KLHDC1: variants seen among roughly 807,000 people sequenced by gnomAD.
KLHDC1 encodes the protein kelch domain containing 1, also known as kelch domain-containing protein 1.
A neutral mutation model predicts 68.3 loss-of-function variants in KLHDC1; 53 were observed. The observed-to-expected ratio is 0.78, with a 90% CI of 0.62 to 0.98. The LOEUF is 0.98. Ranked by LOEUF, KLHDC1 falls within the 50% of genes least tolerant of loss-of-function variation. The pLI is 0.00. For missense variants in KLHDC1, 470 were observed against 492.3 expected (o/e 0.95, Z 0.43); for synonymous variants, 148 against 159.0 (o/e 0.93, Z 0.52).
intron 4 of KLHDC1, 22 bp downstream of exon 4, chr14:49,710,403 A>AG: frequency 8.5e-7 from 1 of 1,174,996 alleles, no homozygotes. Context: ...GTTGCACTTA[A>AG]TGCATTATGT....
At chr14:49,695,707 C>T (rs184440217) in intron 1 of KLHDC1, among the ~76,000 whole-genome samples, 1 of 152,206 alleles carries the variant, frequency 6.6e-6, no homozygotes, top group South Asian at 2.1e-4. Context: ...ATTGACTTCT[C>T]TCTAGCTATG....
chr14:49,704,342 A>G (rs909589506), intron 1 of KLHDC1, among the ~76,000 whole-genome samples: 1 of 128,134 alleles, frequency 7.8e-6, no homozygotes, highest in Non-Finnish European at 1.7e-5. Flanking sequence ...TGAGTTGAAT[A>G]TGTCTTCAAT....
intron 1 of KLHDC1, among the ~76,000 whole-genome samples, chr14:49,707,297 T>TGTGTGAGAGA (rs926974146): frequency 8.3e-6 from 1 of 120,828 alleles, no homozygotes; most frequent in African/African-American, 3.1e-5. Flanking sequence ...TGTGTGTGTG[T>TGTGTGAGAGA]GAGAGAGAGA....
At chr14:49,694,270 A>G (rs367735429) in intron 1 of KLHDC1, among the ~76,000 whole-genome samples, 1 of 152,142 alleles carries the variant, frequency 6.6e-6, no homozygotes, top group South Asian at 2.1e-4. Flanking sequence ...CAGGAATACT[A>G]TATGCCAACC....
intron 12 of KLHDC1, among the ~76,000 whole-genome samples, chr14:49,747,302 A>G (rs1889224948): frequency 6.6e-6 from 1 of 152,120 alleles, no homozygotes; most frequent in African/African-American, 2.4e-5. Flanking sequence ...CTTGCCAGCA[A>G]TTTTAATCCC....
intron 4 of KLHDC1, among the ~76,000 whole-genome samples, chr14:49,719,096 T>C (rs1209060479): frequency 1.3e-5 from 2 of 152,054 alleles, no homozygotes; most frequent in African/African-American, 4.8e-5. Flanking sequence ...TTTTCTTGAT[T>C]GTTTTTCTAT....
At chr14:49,747,235 C>T (rs1594686094) in intron 12 of KLHDC1, among the ~76,000 whole-genome samples, 2 of 152,198 alleles carry the variant, frequency 1.3e-5, no homozygotes, top group South Asian at 2.1e-4. Context: ...GCGTGAGCCA[C>T]CACACCCAGC....
intron 11 of KLHDC1, among the ~76,000 whole-genome samples, chr14:49,743,028 C>T (rs1259891447): frequency 7.1e-6 from 1 of 140,568 alleles, no homozygotes; most frequent in Non-Finnish European, 1.5e-5. Flanking sequence ...GCTCTGATTG[C>T]ACCACTGCAC....
At chr14:49,713,821 TATATATATATATATATATATATATATATA>T (rs1888281907) in intron 4 of KLHDC1, among the ~76,000 whole-genome samples, 14 of 3,152 alleles carry the variant, frequency 4.4e-3, no homozygotes, top group African/African-American at 6.7e-3. Flanking sequence ...TATATATATA[TATATATATATATATATATATATATATATA>T]TTTTTTTTTT....
chr14:49,713,850 ATTT>A (rs869250721), intron 4 of KLHDC1, among the ~76,000 whole-genome samples: 2 of 50,230 alleles, frequency 4.0e-5, no homozygotes, highest in African/African-American at 8.7e-5. Context: ...ATATATATAT[ATTT>A]TTTTTTTTTT....
rs377460297 is a variant in KLHDC1, at chr14:49,732,841, T to C, written c.823+25T>C. 20 of 1,060,660 alleles carry C rather than the reference T, an allele frequency of 1.9e-5. No individual in the cohort carries two copies. In the African/African-American group the frequency reaches 3.0e-4, roughly 16 times the overall value. 65.7% of individuals were successfully genotyped at this position (1,060,660 alleles called of 1,614,324 possible). A position where few individuals can be genotyped will look rare whatever the true frequency, so the allele number is the denominator to read the frequency against. On this transcript the variant is annotated intron_variant, in intron 9 of 12. Transcript: ENST00000359332. ...AGTAAGTTGATTAAGGTTTAGCCTA[T>C]AATTATTATCTCATTCTTTTTTCTT...
intron 1 of KLHDC1, among the ~76,000 whole-genome samples, chr14:49,694,146 T>A (rs1241042045): frequency 6.6e-6 from 1 of 152,176 alleles, no homozygotes; most frequent in African/African-American, 2.4e-5. Flanking sequence ...AGCAATAATA[T>A]GCTAAGAAAT....
chr14:49,741,501 T>C (rs1300396939), intron 11 of KLHDC1, among the ~76,000 whole-genome samples: 3 of 151,978 alleles, frequency 2.0e-5, no homozygotes, highest in Non-Finnish European at 2.9e-5. Flanking sequence ...GAGATGAGGT[T>C]TCACCGTGTT....
intron 4 of KLHDC1, among the ~76,000 whole-genome samples, chr14:49,722,380 C>T (rs1035450757): frequency 2.0e-5 from 3 of 152,090 alleles, no homozygotes; most frequent in Non-Finnish European, 4.4e-5. Context: ...GTTTTTTGTC[C>T]CTGTGATAGT....
chr14:49,723,461 G>A (rs991870400), intron 4 of KLHDC1, among the ~76,000 whole-genome samples: 1 of 151,916 alleles, frequency 6.6e-6, no homozygotes. Context: ...GAGCCCGGGA[G>A]GTGGAGGTTG....
At chr14:49,730,445 C>A (rs1888777138) in intron 8 of KLHDC1, among the ~76,000 whole-genome samples, 1 of 151,994 alleles carries the variant, frequency 6.6e-6, no homozygotes, top group South Asian at 2.1e-4. Context: ...TGGTCTCGAT[C>A]TCTTGACCTT....
intron 6 of KLHDC1, among the ~76,000 whole-genome samples, chr14:49,727,547 G>C (rs1405918771): frequency 6.6e-6 from 1 of 152,014 alleles, no homozygotes; most frequent in Non-Finnish European, 1.5e-5. Context: ...ATACAAAATC[G>C]TAAGTATTAG....
rs556166615 is a variant in KLHDC1 at position 49,693,318 on chromosome 14, A to G, written c.96+28A>G. On this transcript the variant is annotated intron_variant, in intron 1 of 12. Transcript: ENST00000359332. The stretch of plus-strand genomic sequence containing the variant: ...AAGGGGAAGAGGCGGGACGGGGTAG[A>G]CTCGCGCCGGGAGACCCTCGGCCTG... 2.1e-6 allele frequency: 3 copies of G among 1,423,050 alleles called. No homozygotes were observed. In the Admixed American group the frequency reaches 8.1e-5, roughly 38 times the overall value. The allele number at this position is 1,423,050 out of a possible 1,614,324, so 88.2% of individuals were successfully genotyped here.
intron 1 of KLHDC1, among the ~76,000 whole-genome samples, chr14:49,696,324 A>G (rs1032652511): frequency 6.6e-6 from 1 of 151,884 alleles, no homozygotes; most frequent in African/African-American, 2.4e-5. Context: ...GGTGCGTGAC[A>G]CTACACCTGG....
Sources: gnomAD v4.1 joint callset for allele counts (sites outside exome capture counted in the v4.1 genomes callset) on GRCh38, gnomAD v4.1.1 for gene constraint, MANE v1.5 for transcripts, NCBI Gene and HGNC (gene_info 2026-07-23, HGNC 2026-07-21) for gene names.